ST6GALNAC5: variants seen among roughly 807,000 people sequenced by gnomAD.
ST6GALNAC5 encodes ST6 N-acetylgalactosaminide alpha-2,6-sialyltransferase 5.
Under a neutral mutation model 33.6 loss-of-function variants are expected in ST6GALNAC5, and 27 were observed. The ratio of observed to expected loss-of-function variants is 0.80; its 90% CI spans 0.59 to 1.11. The LOEUF is 1.11. Among genes scored for constraint, ST6GALNAC5 ranks in the 50% least tolerant of loss-of-function variants. ST6GALNAC5 has a pLI of 0.00. For synonymous variants in ST6GALNAC5, 194 were observed against 171.2 expected (o/e 1.13, Z -1.04); for missense variants, 428 against 454.0 (o/e 0.94, Z 0.52).
intron 4 of ST6GALNAC5, among the ~76,000 whole-genome samples, 172 bp from the exon 5 acceptor site, chr1:77,062,803 C>T (rs767212696): frequency 1.1e-4 from 17 of 152,068 alleles, no homozygotes; most frequent in Non-Finnish European, 2.4e-4. Flanking sequence ...TATTTCACAA[C>T]CTCAAAACCT....
At chr1:76,958,276 T>C (rs558484573) in intron 2 of ST6GALNAC5, among the ~76,000 whole-genome samples, 1 of 152,308 alleles carries the variant, frequency 6.6e-6, no homozygotes, top group South Asian at 2.1e-4. Context: ...TCAGAGCTTT[T>C]GGATTTCTGA....
At chr1:77,048,476 C>T (rs1652089516) in intron 3 of ST6GALNAC5, among the ~76,000 whole-genome samples, 1 of 152,198 alleles carries the variant, frequency 6.6e-6, no homozygotes, top group Non-Finnish European at 1.5e-5. Flanking sequence ...TCTTCTTACC[C>T]TTTGCCATTC....
chr1:76,869,379 TAAG>T (rs1017100399), intron 2 of ST6GALNAC5, among the ~76,000 whole-genome samples: 2 of 152,288 alleles, frequency 1.3e-5, no homozygotes, highest in Non-Finnish European at 2.9e-5. Flanking sequence ...TAATAACTAA[TAAG>T]ATGAATTTTT....
intron 2 of ST6GALNAC5, among the ~76,000 whole-genome samples, chr1:76,986,467 C>A (rs1168372090): frequency 6.6e-6 from 1 of 152,112 alleles, no homozygotes; most frequent in Non-Finnish European, 1.5e-5. Flanking sequence ...CCATGAGATA[C>A]CATCTCACCC....
intron 2 of ST6GALNAC5, among the ~76,000 whole-genome samples, chr1:77,002,541 T>C (rs1278286288): frequency 6.7e-6 from 1 of 150,336 alleles, no homozygotes; most frequent in African/African-American, 2.4e-5. Flanking sequence ...AGCTTTTGAA[T>C]GTGTTTGCTC....
Position 76,942,792 on chromosome 1 carries a change from C to T in ST6GALNAC5, c.261+74050C>T, listed in dbSNP as rs887554620. 2.6e-5 allele frequency among the ~76,000 whole-genome samples: 4 copies of T among 152,214 alleles called. No individual in the cohort carries two copies. The East Asian group carries it at 7.8e-4, about 30-fold the overall frequency. The stretch of plus-strand genomic sequence containing the variant: ...GGATGACGTGTTTGGCAGAAGTCCC[C>T]TCTCCTGTCATTCTCCACCTCCACA... On this transcript the variant is annotated intron_variant, in intron 2 of 4. Transcript: ENST00000477717.
chr1:77,049,921 G>A (rs1437036891), intron 3 of ST6GALNAC5, among the ~76,000 whole-genome samples: 1 of 152,216 alleles, frequency 6.6e-6, no homozygotes, highest in Non-Finnish European at 1.5e-5. Flanking sequence ...TTAAGAAAGA[G>A]TTGTTAAACG....
intron 2 of ST6GALNAC5, among the ~76,000 whole-genome samples, chr1:76,882,472 T>A (rs1418534309): frequency 6.6e-6 from 1 of 152,138 alleles, no homozygotes; most frequent in Non-Finnish European, 1.5e-5. Flanking sequence ...TAGGATGGAA[T>A]TACTTTAGGC....
At chr1:76,972,819 C>T (rs978811079) in intron 2 of ST6GALNAC5, among the ~76,000 whole-genome samples, 1 of 152,160 alleles carries the variant, frequency 6.6e-6, no homozygotes, top group African/African-American at 2.4e-5. Context: ...TTTACCTATC[C>T]TCACCCACAG....
At chr1:77,056,411 C>A (rs1297750527) in intron 4 of ST6GALNAC5, among the ~76,000 whole-genome samples, 1 of 152,094 alleles carries the variant, frequency 6.6e-6, no homozygotes, top group African/African-American at 2.4e-5. Flanking sequence ...AGCACATTAC[C>A]AAGTTTACAA....
At chr1:76,885,757 C>T (rs1197739990) in intron 2 of ST6GALNAC5, among the ~76,000 whole-genome samples, 1 of 152,204 alleles carries the variant, frequency 6.6e-6, no homozygotes, top group African/African-American at 2.4e-5. Context: ...CTGTTTACAA[C>T]CCTTAGCACT....
chr1:76,880,136 T>C (rs1243862771), intron 2 of ST6GALNAC5, among the ~76,000 whole-genome samples: 2 of 152,216 alleles, frequency 1.3e-5, no homozygotes, highest in Non-Finnish European at 2.9e-5. Flanking sequence ...CTTCATTATG[T>C]TCTTTGGTTC....
chr1:76,982,895 C>A (rs189408137), intron 2 of ST6GALNAC5, among the ~76,000 whole-genome samples: 1 of 151,984 alleles, frequency 6.6e-6, no homozygotes, highest in Non-Finnish European at 1.5e-5. Context: ...ACCCAGATTT[C>A]ATATCCAGCC....
chr1:76,877,901 A>T (rs1032535258), intron 2 of ST6GALNAC5, among the ~76,000 whole-genome samples: 1 of 152,262 alleles, frequency 6.6e-6, no homozygotes, highest in African/African-American at 2.4e-5. Context: ...GAATGGAGAA[A>T]AAGGCATTTG....
At chr1:77,051,866 C>T (rs922097108) in intron 4 of ST6GALNAC5, among the ~76,000 whole-genome samples, 1 of 151,998 alleles carries the variant, frequency 6.6e-6, no homozygotes, top group Admixed American at 6.6e-5. Flanking sequence ...TGCAATATTG[C>T]CATTAGGATG....
intron 2 of ST6GALNAC5, among the ~76,000 whole-genome samples, chr1:76,980,222 A>T (rs1649195917): frequency 6.6e-6 from 1 of 152,112 alleles, no homozygotes; most frequent in Admixed American, 6.5e-5. Context: ...TGGTATTTTT[A>T]TGATTTCTTT....
At chr1:76,875,082 T>C (rs957072006) in intron 2 of ST6GALNAC5, among the ~76,000 whole-genome samples, 1 of 152,166 alleles carries the variant, frequency 6.6e-6, no homozygotes, top group Non-Finnish European at 1.5e-5. Flanking sequence ...TTAGTACAAG[T>C]GTATACATGC....
At chr1:77,030,602 T>A (rs1403316235) in intron 2 of ST6GALNAC5, among the ~76,000 whole-genome samples, 1 of 152,186 alleles carries the variant, frequency 6.6e-6, no homozygotes, top group Non-Finnish European at 1.5e-5. Context: ...GAGACATCTC[T>A]ATGGAGTGGA....
At chr1:76,924,583 G>A (rs1170230015) in intron 2 of ST6GALNAC5, among the ~76,000 whole-genome samples, 1 of 152,088 alleles carries the variant, frequency 6.6e-6, no homozygotes, top group Non-Finnish European at 1.5e-5. Flanking sequence ...CAACTTCGCT[G>A]AAGAATTAGT....
Sources: allele counts gnomAD v4.1 joint callset (sites outside exome capture counted in the v4.1 genomes callset), GRCh38; gene constraint gnomAD v4.1.1; transcripts MANE v1.5; gene names NCBI Gene and HGNC (gene_info 2026-07-23, HGNC 2026-07-21).